The following ACSF3 variants were observed in gnomAD, a reference collection of about 807,000 sequenced individuals.
ACSF3 encodes acyl-CoA synthetase family member 3, also known as malonate--CoA ligase ACSF3, mitochondrial.
ACSF3 carries 78 observed loss-of-function variants against 53.2 expected under a neutral mutation model. That is an observed-to-expected ratio of 1.47 (90% CI 1.22 to 1.77). The LOEUF (loss-of-function observed/expected upper bound fraction) is 1.77, where lower values mean the gene tolerates loss of function less well. ACSF3 is among the 40% of genes most tolerant of loss of function. ACSF3 has a pLI of 0.00. For synonymous variants in ACSF3, 414 were observed against 333.1 expected (o/e 1.24, Z -2.65); for missense variants, 937 against 771.1 (o/e 1.22, Z -2.55).
At chr16:89,111,978 C>T (rs889944001) in intron 4 of ACSF3, 114 bp from the exon 5 acceptor site, 91 of 1,000,558 alleles carry the variant, frequency 9.1e-5, no homozygotes, top group South Asian at 2.3e-4. Flanking sequence ...AGAAGGGAGG[C>T]GCTGCAGACT....
At chr16:89,140,199 G>T (rs774216593) in intron 8 of ACSF3, among the ~76,000 whole-genome samples, 1 of 152,180 alleles carries the variant, frequency 6.6e-6, no homozygotes, top group African/African-American at 2.4e-5. Context: ...GTGCCTGGCC[G>T]CAATGGAGGC....
intron 5 of ACSF3, among the ~76,000 whole-genome samples, 194 bp downstream of exon 5, chr16:89,112,440 A>C (rs954194076): frequency 6.6e-6 from 1 of 151,732 alleles, no homozygotes; most frequent in African/African-American, 2.4e-5. Flanking sequence ...GTCTGTATGT[A>C]TATCTGTAAT....
rs1264201894 is a variant in ACSF3 at position 89,155,912 on chromosome 16, C to T, written c.*1705C>T. 1 of 377,642 alleles carries T rather than the reference C, an allele frequency of 2.6e-6. No individual in the cohort carries two copies. The highest frequency in any genetic ancestry group is 7.2e-5 in the East Asian group (1 of 13,882). The allele number at this position is 377,642 out of a possible 1,614,324, so 23.4% of individuals were successfully genotyped here. On this transcript the variant is annotated 3_prime_UTR_variant, in exon 11 of 11. Transcript: ENST00000614302. ...TTTCTGCTGACAATACTACAAACTA[C>T]AGAAAGCCTGGAGCTCATTGACCAG...
Position 89,093,854 on chromosome 16 carries a change from T to C in ACSF3, c.-336T>C. On this transcript the variant is annotated 5_prime_UTR_variant, in exon 1 of 11. Coordinates refer to ENST00000614302, the MANE Select transcript of ACSF3 (RefSeq NM_001243279.3). ...GGACGCGCCGCGCCGGGGAAGCTGT[T>C]GGGCGCCGGAACTGGTCCGGCCCGA... 1 of 258,126 alleles carries C rather than the reference T, an allele frequency of 3.9e-6. No homozygotes were observed. The highest frequency in any genetic ancestry group is 3.4e-5 in the South Asian group (1 of 28,998). 16.0% of individuals were successfully genotyped at this position (258,126 alleles called of 1,614,324 possible).
chr16:89,141,107 C>T (rs903984860), intron 8 of ACSF3: 235 of 1,287,096 alleles, frequency 1.8e-4, no homozygotes, highest in Non-Finnish European at 2.3e-4. Flanking sequence ...CCTTCTGAGT[C>T]GCCCTCGCTG....
At chr16:89,117,541 C>T (rs945640744) in intron 6 of ACSF3, among the ~76,000 whole-genome samples, 7 of 151,634 alleles carry the variant, frequency 4.6e-5, no homozygotes, top group Non-Finnish European at 7.4e-5. Flanking sequence ...AGGAGCAGCC[C>T]GGGGACTGCT....
rs1488254983 is a variant in ACSF3 at position 89,093,903 on chromosome 16, C to A, written c.-287C>A. The A allele has an allele frequency of 5.8e-5, 19 of 326,312 alleles. No homozygotes were observed. Among genetic ancestry groups the A allele is most frequent in the Non-Finnish European group, 5.1e-5 (8 of 156,386 alleles). 20.2% of individuals were successfully genotyped at this position (326,312 alleles called of 1,614,324 possible). On this transcript the variant is annotated 5_prime_UTR_variant, in exon 1 of 11. Transcript: ENST00000614302. ...GACTCACGACCCCGCGGGACCCGGC[C>A]GGAACCCGGCCCGACCCCGGCGCGC...
At position 89,139,653 on chromosome 16, in the gene ACSF3, C is replaced by T. The variant is rs548694101; in HGVS notation, c.1367-5614C>T. ...CTGTCGCCAGACTGGAGTGCAGTGG[C>T]GCCATCTCGGCTCAGTGCAACCTCC... is the stretch of plus-strand genomic sequence containing the variant. On this transcript the variant is annotated intron_variant, in intron 8 of 10. Transcript: ENST00000614302. Among the ~76,000 whole-genome samples the T allele has an allele frequency of 2.5e-4, 36 of 143,460 alleles. 1 individual carries two copies. Among genetic ancestry groups the T allele is most frequent in the Admixed American group, 1.9e-3 (26 of 13,730 alleles). The allele number at this position is 143,460 out of a possible 152,430, so 94.1% of individuals were successfully genotyped here.
At chr16:89,133,365 T>C (rs1909736194) in intron 8 of ACSF3, 103 bp downstream of exon 8, 4 of 1,528,764 alleles carry the variant, frequency 2.6e-6, no homozygotes, top group Non-Finnish European at 3.6e-6. Flanking sequence ...TCCCAGAATT[T>C]TCAGCCAAAG....
At chr16:89,127,849 G>C (rs1165860701) in intron 7 of ACSF3, among the ~76,000 whole-genome samples, 2 of 152,132 alleles carry the variant, frequency 1.3e-5, no homozygotes, top group East Asian at 1.9e-4. Flanking sequence ...ACCATTAAAA[G>C]GTTGATTAAA....
intron 6 of ACSF3, chr16:89,115,183 A>G (rs1250795526): frequency 6.2e-6 from 1 of 162,416 alleles, no homozygotes; most frequent in Non-Finnish European, 1.4e-5. Context: ...CATCCCGCAC[A>G]TCTGTCTGTG....
chr16:89,128,240 T>C (rs902026285), intron 7 of ACSF3, among the ~76,000 whole-genome samples: 3 of 150,148 alleles, frequency 2.0e-5, no homozygotes, highest in Non-Finnish European at 4.4e-5. Flanking sequence ...TTATATATAA[T>C]ATATATATAT....
At chr16:89,121,206 C>T (rs945820465) in intron 7 of ACSF3, among the ~76,000 whole-genome samples, 5 of 152,366 alleles carry the variant, frequency 3.3e-5, no homozygotes, top group Admixed American at 6.5e-5. Context: ...GCCCTGTCCA[C>T]GGGGACAGGC....
Position 89,101,328 on chromosome 16 carries a change from AC to A in ACSF3, c.649del (p.Gln217LysfsTer7). 1 of 1,591,914 alleles carries A rather than the reference AC, an allele frequency of 6.3e-7. No homozygotes were observed. The highest frequency in any genetic ancestry group is 8.5e-7 in the Non-Finnish European group (1 of 1,169,804). ...AGGCCCAAGGGCGTGCTGAGCACGC[AC>A]CAAAACATCAGGGCTGTGGTGAGTG... ...TGRPKGVLST[H>X]QNIRAVVTGL... On this transcript the variant is annotated frameshift_variant, in exon 3 of 11. Transcript: ENST00000614302. LOFTEE classifies it high-confidence loss of function.
intron 7 of ACSF3, among the ~76,000 whole-genome samples, chr16:89,127,976 C>A (rs1456504542): frequency 6.6e-6 from 1 of 151,944 alleles, no homozygotes; most frequent in Non-Finnish European, 1.5e-5. Context: ...CTTTGTTATC[C>A]TTGCTAGAAG....
At chr16:89,119,404 G>A (rs990703655) in intron 6 of ACSF3, among the ~76,000 whole-genome samples, 7 of 152,216 alleles carry the variant, frequency 4.6e-5, no homozygotes, top group African/African-American at 1.7e-4. Flanking sequence ...CAGACCTGGT[G>A]CCAGGTCTGG....
rs757028917 is a variant in ACSF3, at chr16:89,156,155, TC to T, written c.*1950del. ...AGCCAGGCCCCTGGTTCCCCTCTGCTCCACCAGCCGAGAACAAGCCCGTCCT... is the reference window on the plus strand; with the variant it reads ...AGCCAGGCCCCTGGTTCCCCTCTGCTCACCAGCCGAGAACAAGCCCGTCCT... On this transcript the variant is annotated 3_prime_UTR_variant, in exon 11 of 11. Transcript: ENST00000614302. Among the ~76,000 whole-genome samples, 7 of 152,118 alleles carry T rather than the reference TC, an allele frequency of 4.6e-5. No individual in the cohort carries two copies. Among genetic ancestry groups the T allele is most frequent in the Non-Finnish European group, 8.8e-5 (6 of 67,976 alleles).
At chr16:89,141,605 T>A (rs1911776455) in intron 8 of ACSF3, among the ~76,000 whole-genome samples, 1 of 152,242 alleles carries the variant, frequency 6.6e-6, no homozygotes, top group Non-Finnish European at 1.5e-5. Context: ...GGCAAAGGCA[T>A]CCAGGCCCGG....
At chr16:89,116,622 G>GTGGCCGCACAGAGTGCAGTGCC (rs1905161718) in intron 6 of ACSF3, among the ~76,000 whole-genome samples, 1 of 152,230 alleles carries the variant, frequency 6.6e-6, no homozygotes, top group African/African-American at 2.4e-5. Flanking sequence ...TGCCAGTGGG[G>GTGGCCGCACAGAGTGCAGTGCC]TGGCCGCACA....
Sources: gnomAD v4.1 joint callset for allele counts (sites outside exome capture counted in the v4.1 genomes callset) on GRCh38, gnomAD v4.1.1 for gene constraint, MANE v1.5 for transcripts, NCBI Gene and HGNC (gene_info 2026-07-23, HGNC 2026-07-21) for gene names.